The following FER1L6 variants were observed in gnomAD, a reference collection of about 807,000 sequenced individuals.
FER1L6 encodes the protein fer-1-like protein 6.
FER1L6 carries 177 observed loss-of-function variants against 219.2 expected under a neutral mutation model. That is an observed-to-expected ratio of 0.81 (90% CI 0.71 to 0.91). The LOEUF is 0.91. FER1L6 is among the 40% of genes least tolerant of loss of function. FER1L6 has a pLI of 0.00. For synonymous variants in FER1L6, 768 were observed against 824.3 expected (o/e 0.93, Z 1.17); for missense variants, 2,153 against 2,259.9 (o/e 0.95, Z 0.96).
intron 30 of FER1L6, among the ~76,000 whole-genome samples, chr8:124,070,837 G>A (rs1821038911): frequency 6.6e-6 from 1 of 152,170 alleles, no homozygotes; most frequent in Admixed American, 6.5e-5. Flanking sequence ...GTCATTACCT[G>A]AAAGGAACAC....
chr8:123,976,896 G>A (rs1816098943), intron 9 of FER1L6, among the ~76,000 whole-genome samples: 2 of 152,196 alleles, frequency 1.3e-5, no homozygotes, highest in Non-Finnish European at 2.9e-5. Context: ...AACCCTGGTT[G>A]GCTGGATTTT....
chr8:124,092,286 A>G (rs759892483), intron 34 of FER1L6, among the ~76,000 whole-genome samples: 14 of 152,124 alleles, frequency 9.2e-5, no homozygotes, highest in Non-Finnish European at 2.9e-5. Flanking sequence ...TTTTGTAGTG[A>G]CAATGCTATA....
At chr8:123,960,463 C>A (rs1309628522) in intron 2 of FER1L6, among the ~76,000 whole-genome samples, 1 of 152,216 alleles carries the variant, frequency 6.6e-6, no homozygotes, top group Non-Finnish European at 1.5e-5. Context: ...ATTTAAGTTT[C>A]CTAAATGCGT....
At chr8:124,078,763 T>G (rs1207835547) in intron 32 of FER1L6, among the ~76,000 whole-genome samples, 2 of 149,964 alleles carry the variant, frequency 1.3e-5, no homozygotes, top group Non-Finnish European at 3.0e-5. Flanking sequence ...AAGTCCAGAG[T>G]GTAGGGAGGA....
rs759079094 is a variant in FER1L6 at position 124,066,486 on chromosome 8, A to G, written c.3614A>G (p.Glu1205Gly). Residue 1205 changes from glutamate (E) to glycine (G), a missense_variant, in exon 27 of 41, where the codon GAA becomes GGA. By Grantham distance (98) the Glu-to-Gly change is moderately conservative. Coordinates refer to ENST00000522917, the MANE Select transcript of FER1L6 (RefSeq NM_001039112.2). ...TKRRKRTIAD[E>G]SAENVIDWWS... ...AGGAGAAAGAGGACCATAGCAGATG[A>G]ATCTGCTGAAAACGTGATTGACTGG... 1 of 1,613,646 alleles carries G rather than the reference A, an allele frequency of 6.2e-7. No homozygotes were observed. Among genetic ancestry groups the G allele is most frequent in the East Asian group, 2.2e-5 (1 of 44,864 alleles).
intron 1 of FER1L6, among the ~76,000 whole-genome samples, chr8:123,899,479 G>A (rs1448702990): frequency 6.6e-6 from 1 of 152,134 alleles, no homozygotes; most frequent in Non-Finnish European, 1.5e-5. Context: ...TTACTCTGCT[G>A]ACTGTTCCTT....
intron 14 of FER1L6, among the ~76,000 whole-genome samples, chr8:124,013,207 G>A (rs1818023536): frequency 3.9e-5 from 6 of 152,150 alleles, no homozygotes; most frequent in Admixed American, 3.9e-4. Flanking sequence ...TGAACAGTAT[G>A]GGAGAAGACT....
intron 1 of FER1L6, among the ~76,000 whole-genome samples, chr8:123,861,886 G>A (rs867652045): frequency 0.34 from 36,744 of 108,086 alleles, 5,138 homozygotes; most frequent in East Asian, 0.47. Flanking sequence ...GGGCTGAGAC[G>A]ATGGGGTTTT....
At position 123,885,849 on chromosome 8, in the gene FER1L6, G is replaced by A. The variant is rs186877870; in HGVS notation, c.-8+33664G>A. On this transcript the variant is annotated intron_variant, in intron 1 of 40. Transcript: ENST00000522917. ...GAGGTCTTAGCCAGGATGTGGCCAT[G>A]GAGCCATGCTACTTCTCCAGTCCCA... Among the ~76,000 whole-genome samples, 72 of 152,328 alleles carry A rather than the reference G, an allele frequency of 4.7e-4. 1 individual carries two copies. The highest frequency in any genetic ancestry group is 6.8e-3 in the Middle Eastern group (2 of 294).
intron 11 of FER1L6, among the ~76,000 whole-genome samples, chr8:123,983,643 G>T (rs572039599): frequency 6.6e-6 from 1 of 152,276 alleles, no homozygotes; most frequent in South Asian, 2.1e-4. Context: ...TGGTGCAGTG[G>T]TTACTGCTTG....
intron 1 of FER1L6, among the ~76,000 whole-genome samples, chr8:123,933,368 A>ATGTGTGTGTGTG (rs1491259026): frequency 7.3e-6 from 1 of 137,510 alleles, no homozygotes; most frequent in Non-Finnish European, 1.6e-5. Flanking sequence ...CTATCATAGC[A>ATGTGTGTGTGTG]TATGTGTGTC....
intron 22 of FER1L6, among the ~76,000 whole-genome samples, chr8:124,050,886 C>T (rs931336583): frequency 2.6e-5 from 4 of 152,198 alleles, no homozygotes; most frequent in South Asian, 2.1e-4. Flanking sequence ...GGTATTTTAA[C>T]GTATGAATTT....
At chr8:123,894,004 C>T (rs1812698332) in intron 1 of FER1L6, among the ~76,000 whole-genome samples, 2 of 152,158 alleles carry the variant, frequency 1.3e-5, no homozygotes, top group Admixed American at 6.5e-5. Flanking sequence ...AGATCATCAG[C>T]CAGATTTCCA....
rs781161909 is a variant in FER1L6, at chr8:124,015,571, CTATATATATATATATATATA to C, written c.1923-2031_1923-2012del. Among the ~76,000 whole-genome samples the C allele has an allele frequency of 6.5e-4, 28 of 43,262 alleles. 2 individuals carry two copies. In the Middle Eastern group the frequency reaches 0.054, roughly 83 times the overall value. 28.4% of individuals were successfully genotyped at this position (43,262 alleles called of 152,430 possible). ...TGTTTCTTGTTTTTCATTATAAAAG[CTATATATATATATATATATA>C]TATATATATATATATATATATATAT... is the stretch of plus-strand genomic sequence containing the variant. On this transcript the variant is annotated intron_variant, in intron 15 of 40. Transcript: ENST00000522917.
intron 1 of FER1L6, among the ~76,000 whole-genome samples, chr8:123,874,984 CAA>C (rs777482830): frequency 2.0e-5 from 3 of 152,104 alleles, no homozygotes; most frequent in Non-Finnish European, 4.4e-5. Context: ...ATCATGACGT[CAA>C]GAGATAGAGA....
intron 1 of FER1L6, among the ~76,000 whole-genome samples, chr8:123,856,349 T>TATATATATATATATATATATATATA (rs71289618): frequency 7.4e-6 from 1 of 134,516 alleles, no homozygotes; most frequent in African/African-American, 2.8e-5. Flanking sequence ...TATATATATA[T>TATATATATATATATATATATATATA]TAGGGTCCAG....
intron 11 of FER1L6, among the ~76,000 whole-genome samples, chr8:123,982,772 AC>A (rs1322377195): frequency 6.6e-6 from 1 of 152,214 alleles, no homozygotes; most frequent in Non-Finnish European, 1.5e-5. Flanking sequence ...TGGAGAACCC[AC>A]TTTGAAGATG....
At chr8:123,903,016 G>A (rs1306982036) in intron 1 of FER1L6, among the ~76,000 whole-genome samples, 3 of 151,508 alleles carry the variant, frequency 2.0e-5, no homozygotes, top group Non-Finnish European at 4.4e-5. Flanking sequence ...TTCTCTCAGA[G>A]TTTGTTTGTC....
At chr8:123,890,625 A>ATTTGT (rs1812627009) in intron 1 of FER1L6, among the ~76,000 whole-genome samples, 1 of 91,424 alleles carries the variant, frequency 1.1e-5, no homozygotes, top group Non-Finnish European at 2.0e-5. Flanking sequence ...TAAAAATTTG[A>ATTTGT]TTTTTTTTTT....
Sources: allele counts gnomAD v4.1 joint callset (sites outside exome capture counted in the v4.1 genomes callset), GRCh38; gene constraint gnomAD v4.1.1; transcripts MANE v1.5; gene names NCBI Gene and HGNC (gene_info 2026-07-23, HGNC 2026-07-21).